TTC23L: variants seen among roughly 807,000 people sequenced by gnomAD.
TTC23L encodes the protein tetratricopeptide repeat protein 23-like.
A neutral mutation model predicts 48.1 loss-of-function variants in TTC23L; 42 were observed. The observed-to-expected ratio is 0.87, with a 90% confidence interval of 0.68 to 1.13. The LOEUF is 1.13. TTC23L is among the 50% of genes most tolerant of loss of function. TTC23L has a pLI of 0.00. For missense variants in TTC23L, 391 were observed against 421.0 expected, an observed-to-expected ratio of 0.93 and a Z score of 0.62; for synonymous variants, 159 against 157.2, an observed-to-expected ratio of 1.01 and a Z score of -0.09.
At chr5:34,913,633 A>G in the TTC23L span, 2 of 1,058,866 alleles carry the variant, frequency 1.9e-6, no homozygotes, top group African/African-American at 3.2e-5. Flanking sequence ...AACTAATAAT[A>G]TAAGGTCCTA....
the TTC23L span, chr5:34,913,957 C>T: frequency 1.2e-4 from 56 of 457,368 alleles, 1 homozygote; most frequent in East Asian, 1.7e-3. Flanking sequence ...TGAGCTCAAG[C>T]GATCTTCGTG....
At chr5:34,880,142 T>A in intron 8 of TTC23L, 39 bp from the exon 9 acceptor site, 1 of 1,592,010 alleles carries the variant, frequency 6.3e-7, no homozygotes, top group Non-Finnish European at 8.5e-7. Flanking sequence ...TTTGTAAAGG[T>A]TAGCAGCTTG....
intron 8 of TTC23L, among the ~76,000 whole-genome samples, chr5:34,873,803 G>A (rs1419124642): frequency 2.0e-5 from 3 of 152,186 alleles, no homozygotes; most frequent in Admixed American, 1.3e-4. Context: ...GACTTGAAAT[G>A]TGTGAGAGCT....
At chr5:34,915,913 C>T in the TTC23L span, 2 of 1,536,436 alleles carry the variant, frequency 1.3e-6, no homozygotes, top group Non-Finnish European at 1.8e-6. Context: ...AGGGGATGTC[C>T]CCGGGCTACA....
chr5:34,918,039 C>T, the TTC23L span: 18 of 170,150 alleles, frequency 1.1e-4, no homozygotes, highest in African/African-American at 2.7e-4. Context: ...GGGCCAGGTG[C>T]GGTGGTTCTT....
At position 34,866,975 on chromosome 5, in the gene TTC23L, A is replaced by C. The variant is rs757583449; in HGVS notation, c.746A>C (p.Asp249Ala). The change falls in exon 7 of 11, where the codon GAT becomes GCT. Residue 249 changes from aspartate (D) to alanine (A), a missense_variant. Coordinates refer to ENST00000505624, the Ensembl canonical transcript of TTC23L. ...GGCGATGTTATTGCTGCCAAGGGTG[A>C]TAGGACGTCAGATCTGATCAGCCTG... 3.1e-6 allele frequency: 5 copies of C among 1,611,158 alleles called. No individual in the cohort carries two copies. In the East Asian group the frequency reaches 1.1e-4, roughly 36 times the overall value.
chr5:34,915,403 G>A, the TTC23L span: 1 of 260,168 alleles, frequency 3.8e-6, no homozygotes, highest in Non-Finnish European at 7.4e-6. Context: ...GTCCCCGAGT[G>A]CGGAAACCCT....
At chr5:34,911,480 C>T in the TTC23L span, 1 of 1,518,074 alleles carries the variant, frequency 6.6e-7, no homozygotes, top group Non-Finnish European at 8.9e-7. Context: ...AAAAATTTTG[C>T]ATCCTAAGCA....
intron 9 of TTC23L, among the ~76,000 whole-genome samples, chr5:34,884,840 T>C (rs1462360693): frequency 2.0e-5 from 3 of 152,214 alleles, no homozygotes; most frequent in African/African-American, 7.2e-5. Flanking sequence ...AGATTCCTGA[T>C]TTATTGGCAG....
intron 3 of TTC23L, 168 bp downstream of exon 3, chr5:34,845,841 T>G (rs1413528072): frequency 3.0e-6 from 2 of 663,000 alleles, no homozygotes; most frequent in Non-Finnish European, 5.0e-6. Context: ...CCAGCCCACC[T>G]TCTGGTTCCA....
At chr5:34,864,376 C>T in intron 5 of TTC23L, 61 bp from the exon 6 acceptor site, 2 of 1,573,952 alleles carry the variant, frequency 1.3e-6, no homozygotes, top group Non-Finnish European at 1.7e-6. Context: ...TCCTTATCAC[C>T]TGCTGTCCCT....
intron 9 of TTC23L, among the ~76,000 whole-genome samples, chr5:34,884,393 A>C (rs1186060004): frequency 6.6e-6 from 1 of 152,226 alleles, no homozygotes; most frequent in Non-Finnish European, 1.5e-5. Context: ...TATTCAACAT[A>C]GTACTGGAAG....
the TTC23L span, chr5:34,920,820 A>G: frequency 3.3e-5 from 5 of 152,228 alleles, no homozygotes; most frequent in Admixed American, 6.5e-5. Flanking sequence ...CCAGTAAGAA[A>G]CAAAAGTTTT....
At chr5:34,889,714 C>T (rs1205418997) in intron 9 of TTC23L, among the ~76,000 whole-genome samples, 1 of 152,188 alleles carries the variant, frequency 6.6e-6, no homozygotes, top group African/African-American at 2.4e-5. Context: ...TTTTCTTAAT[C>T]AGTAACTGTA....
At chr5:34,912,857 C>T in the TTC23L span, among the ~76,000 whole-genome samples, 1 of 151,918 alleles carries the variant, frequency 6.6e-6, no homozygotes, top group Non-Finnish European at 1.5e-5. Context: ...AAAAATTAGC[C>T]GGGCGTGGTG....
intron 8 of TTC23L, among the ~76,000 whole-genome samples, chr5:34,871,983 A>G (rs539896707): frequency 1.2e-4 from 18 of 152,318 alleles, no homozygotes; most frequent in African/African-American, 4.3e-4. Flanking sequence ...TTATATTTAC[A>G]TAGAAAAAAA....
At chr5:34,877,747 A>C (rs1316274906) in intron 8 of TTC23L, among the ~76,000 whole-genome samples, 1 of 152,178 alleles carries the variant, frequency 6.6e-6, no homozygotes, top group African/African-American at 2.4e-5. Context: ...TTAATGGTGA[A>C]AAACTAGAAG....
intron 1 of TTC23L, 67 bp from the exon 2 acceptor site, chr5:34,840,598 A>G (rs1047838680): frequency 8.4e-5 from 116 of 1,387,196 alleles, no homozygotes; most frequent in Non-Finnish European, 1.1e-4. Flanking sequence ...ATAGCAAACC[A>G]GAGGGGGAAA....
chr5:34,899,324 C>G (rs1021330719), intron 10 of TTC23L, 66 bp from the exon 11 acceptor site: 78 of 152,754 alleles, frequency 5.1e-4, no homozygotes, highest in African/African-American at 1.7e-3. Flanking sequence ...GAGGCAGGGC[C>G]AGTTATGGAG....
Sources: gnomAD v4.1 joint callset for allele counts (sites outside exome capture counted in the v4.1 genomes callset) on GRCh38, gnomAD v4.1.1 for gene constraint, MANE v1.5 for transcripts, NCBI Gene and HGNC (gene_info 2026-07-23, HGNC 2026-07-21) for gene names.